BCAR3: variants seen among roughly 807,000 people sequenced by gnomAD.
BCAR3 encodes the protein BCAR3 adaptor protein, NSP family member.
Under a neutral mutation model 80.1 loss-of-function variants are expected in BCAR3, and 37 were observed. That is an observed-to-expected ratio of 0.46 (90% CI 0.36 to 0.61). The LOEUF is 0.61. Ranked by LOEUF, BCAR3 falls within the 20% of genes least tolerant of loss-of-function variation. The probability of loss-of-function intolerance (pLI) is 0.00; values close to 1 mark genes in which losing one functional copy is unlikely to be tolerated. For missense variants in BCAR3, 978 were observed against 1,068.2 expected, an observed-to-expected ratio of 0.92 and a Z score of 1.18; for synonymous variants, 389 against 418.9, an observed-to-expected ratio of 0.93 and a Z score of 0.87.
chr1:93,567,244 G>GTGTT lies in BCAR3; in HGVS notation c.2299+31_2299+34dup, dbSNP rs532952670. The GTGTT allele has an allele frequency of 3.1e-5, 49 of 1,604,842 alleles. 1 individual carries two copies. Among genetic ancestry groups the GTGTT allele is most frequent in the South Asian group, 3.0e-4 (27 of 90,822 alleles). ...ATTCCTTCATTTCAATTACGATACA[G>GTGTT]TGTTAGAGAACAGCTTACAAAACCC... On this transcript the variant is annotated intron_variant, in intron 11 of 11. Transcript: ENST00000260502.
At chr1:93,568,615 CTG>C (rs1486667697) in intron 9 of BCAR3, among the ~76,000 whole-genome samples, 3 of 152,168 alleles carry the variant, frequency 2.0e-5, no homozygotes, top group Non-Finnish European at 4.4e-5. Context: ...TGAAATAAAA[CTG>C]GAATTGACCT....
At chr1:93,838,762 G>A (rs1284042254) in intron 2 of BCAR3, among the ~76,000 whole-genome samples, 1 of 152,116 alleles carries the variant, frequency 6.6e-6, no homozygotes, top group African/African-American at 2.4e-5. Flanking sequence ...TTCCAAGCAA[G>A]GAGGGCAATT....
intron 2 of BCAR3, among the ~76,000 whole-genome samples, chr1:93,845,054 C>A (rs574384026): frequency 2.0e-5 from 3 of 152,168 alleles, no homozygotes; most frequent in Non-Finnish European, 4.4e-5. Context: ...TCGTTTGAAT[C>A]ATTAAGTGGA....
At chr1:93,604,730 C>G (rs2101870825) in intron 3 of BCAR3, among the ~76,000 whole-genome samples, 1 of 152,234 alleles carries the variant, frequency 6.6e-6, no homozygotes, top group East Asian at 1.9e-4. Context: ...GATAGAACAC[C>G]AAGGGACTGA....
chr1:93,847,949 G>T, upstream of BCAR3: 1 of 242,450 alleles, frequency 4.1e-6, no homozygotes. Flanking sequence ...TGAAGCGAAG[G>T]CTCGCGGTTT....
chr1:93,786,809 C>T (rs1320245906), intron 2 of BCAR3, among the ~76,000 whole-genome samples: 1 of 152,200 alleles, frequency 6.6e-6, no homozygotes, highest in African/African-American at 2.4e-5. Context: ...AACCTGACAT[C>T]AGGCTGAGGA....
At chr1:93,748,210 G>A (rs1262244490) in intron 2 of BCAR3, among the ~76,000 whole-genome samples, 1 of 152,200 alleles carries the variant, frequency 6.6e-6, no homozygotes, top group Non-Finnish European at 1.5e-5. Flanking sequence ...GCCCATCTTG[G>A]AGGGCAGAGT....
Position 93,598,564 on chromosome 1 carries a change from C to T in BCAR3, c.358-6171G>A, listed in dbSNP as rs72963377. ...TGGCTGCCAGTGGGGGATGGATGCA[C>T]TGGTCCCTGCCCTCAAGGAAGGCAC... On this transcript the variant is annotated intron_variant, in intron 3 of 11. Coordinates refer to ENST00000260502, the MANE Select transcript of BCAR3 (RefSeq NM_003567.4). 8.3e-3 allele frequency among the ~76,000 whole-genome samples: 1,266 copies of T among 152,266 alleles called. 23 individuals are homozygous for T. The highest frequency in any genetic ancestry group is 0.029 in the African/African-American group (1,214 of 41,552).
chr1:93,604,925 T>C (rs1176050684), intron 3 of BCAR3, among the ~76,000 whole-genome samples: 1 of 152,168 alleles, frequency 6.6e-6, no homozygotes, highest in Non-Finnish European at 1.5e-5. Flanking sequence ...TTGACCCCAG[T>C]GAGTTTGCCC....
intron 3 of BCAR3, among the ~76,000 whole-genome samples, chr1:93,610,096 C>A (rs1355934855): frequency 6.6e-6 from 1 of 152,240 alleles, no homozygotes; most frequent in Admixed American, 6.5e-5. Context: ...CCCACTGGGT[C>A]CCCAGCACCG....
At chr1:93,729,996 T>A (rs571157290) in intron 2 of BCAR3, among the ~76,000 whole-genome samples, 1 of 152,388 alleles carries the variant, frequency 6.6e-6, no homozygotes, top group East Asian at 1.9e-4. Context: ...CACTAGTGCA[T>A]TTTATGTCTT....
At chr1:93,613,868 G>A (rs1015906881) in intron 3 of BCAR3, 4 of 1,550,478 alleles carry the variant, frequency 2.6e-6, no homozygotes, top group Non-Finnish European at 3.5e-6. Context: ...TGAAAGACTT[G>A]CGGTGATAGA....
rs1015150112 is a variant in BCAR3, at chr1:93,592,658, C to T, written c.358-265G>A. 5.3e-6 allele frequency: 2 copies of T among 379,666 alleles called. No homozygotes were observed. The highest frequency in any genetic ancestry group is 8.8e-5 in the Admixed American group (2 of 22,688). 23.5% of individuals were successfully genotyped at this position (379,666 alleles called of 1,614,324 possible). A position where few individuals can be genotyped will look rare whatever the true frequency, so the allele number is the denominator to read the frequency against. On this transcript the variant is annotated intron_variant, in intron 3 of 11. Coordinates refer to ENST00000260502, the MANE Select transcript of BCAR3 (RefSeq NM_003567.4). The surrounding 1 kb of genome is among the most constrained non-coding windows in gnomAD (Gnocchi z 4.8). ...TTACCAGTCTACTCAAGCAGCTGGG[C>T]AGGAAGGGCCAGAGAGATGTACAGA...
At chr1:93,610,824 G>A (rs1253334960) in intron 3 of BCAR3, among the ~76,000 whole-genome samples, 1 of 151,920 alleles carries the variant, frequency 6.6e-6, no homozygotes, top group African/African-American at 2.4e-5. Flanking sequence ...GTGGGTGCCT[G>A]TAATCCCAGC....
intron 2 of BCAR3, among the ~76,000 whole-genome samples, chr1:93,804,208 G>A (rs1423434493): frequency 6.6e-6 from 1 of 152,168 alleles, no homozygotes; most frequent in African/African-American, 2.4e-5. Context: ...TCACAGGTGA[G>A]AATTCAGCTT....
intron 2 of BCAR3, among the ~76,000 whole-genome samples, chr1:93,833,244 A>C (rs1412069618): frequency 6.6e-6 from 1 of 152,146 alleles, no homozygotes; most frequent in Non-Finnish European, 1.5e-5. Flanking sequence ...GGAGTGTAGG[A>C]ATAGTGTGGG....
chr1:93,720,921 A>G (rs1299855332), intron 2 of BCAR3, among the ~76,000 whole-genome samples: 6 of 151,898 alleles, frequency 4.0e-5, no homozygotes, highest in Non-Finnish European at 7.4e-5. Context: ...TGCCATTAGC[A>G]GGGCAGGAGG....
At chr1:93,798,798 G>A (rs1653373828) in intron 2 of BCAR3, among the ~76,000 whole-genome samples, 1 of 152,004 alleles carries the variant, frequency 6.6e-6, no homozygotes, top group Non-Finnish European at 1.5e-5. Flanking sequence ...ATTTTGTAGT[G>A]GTATCTCCTG....
intron 2 of BCAR3, among the ~76,000 whole-genome samples, chr1:93,767,697 T>C (rs1652203069): frequency 1.3e-5 from 2 of 152,144 alleles, no homozygotes; most frequent in South Asian, 4.1e-4. Flanking sequence ...GGTATGAAAA[T>C]AAAATATATA....
Sources: gnomAD v4.1 joint callset for allele counts (sites outside exome capture counted in the v4.1 genomes callset) on GRCh38, gnomAD v4.1.1 for gene constraint, Gnocchi (gnomAD v3.1) non-coding constraint, MANE v1.5 for transcripts, NCBI Gene and HGNC (gene_info 2026-07-23, HGNC 2026-07-21) for gene names.